The following YLPM1 variants were observed in gnomAD, a reference collection of about 807,000 sequenced individuals.
YLPM1 encodes the protein YLP motif containing 1.
In YLPM1, 99 loss-of-function variants were observed where a neutral mutation model predicts 230.0. That is an observed-to-expected ratio of 0.43 (90% CI 0.37 to 0.51). The LOEUF is 0.51. Among genes scored for constraint, YLPM1 ranks in the 20% least tolerant of loss-of-function variants. The pLI is 0.00. For missense variants in YLPM1, 2,592 were observed against 2,707.7 expected, an observed-to-expected ratio of 0.96 and a Z score of 0.95; for synonymous variants, 984 against 942.5, an observed-to-expected ratio of 1.04 and a Z score of -0.81.
intron 1 of YLPM1, among the ~76,000 whole-genome samples, chr14:74,769,031 T>C (rs2090943836): frequency 6.6e-6 from 1 of 151,816 alleles, no homozygotes; most frequent in Non-Finnish European, 1.5e-5. Flanking sequence ...GGATTCCCTT[T>C]GTAAAGTGAT....
intron 1 of YLPM1, among the ~76,000 whole-genome samples, chr14:74,776,434 G>A (rs950577155): frequency 6.6e-6 from 1 of 152,124 alleles, no homozygotes; most frequent in Non-Finnish European, 1.5e-5. Context: ...GCACTTGTCC[G>A]AACAAAGCTG....
intron 10 of YLPM1, among the ~76,000 whole-genome samples, chr14:74,812,288 A>C (rs2091441260): frequency 6.6e-6 from 1 of 152,222 alleles, no homozygotes; most frequent in Admixed American, 6.5e-5. Context: ...TCTTACTCTT[A>C]AAACCATAAA....
chr14:74,797,349 G>GTAAGT (rs2091274678), intron 4 of YLPM1, among the ~76,000 whole-genome samples: 1 of 151,870 alleles, frequency 6.6e-6, no homozygotes, highest in Admixed American at 6.6e-5. Context: ...ATGTGTTGAA[G>GTAAGT]TAAGTTAGAT....
chr14:74,821,707 G>A (rs1304151669), intron 17 of YLPM1: 1 of 152,230 alleles, frequency 6.6e-6, no homozygotes, highest in Non-Finnish European at 1.5e-5. Flanking sequence ...TAAAGTTTCT[G>A]TGTACCTAAT....
intron 1 of YLPM1, among the ~76,000 whole-genome samples, chr14:74,764,811 A>G (rs2090894774): frequency 6.6e-6 from 1 of 152,236 alleles, no homozygotes; most frequent in Non-Finnish European, 1.5e-5. Context: ...TCTTTTAAAA[A>G]TATTACTTAG....
chr14:74,804,114 G>A (rs1303261727), intron 6 of YLPM1, among the ~76,000 whole-genome samples: 1 of 152,114 alleles, frequency 6.6e-6, no homozygotes, highest in Non-Finnish European at 1.5e-5. Flanking sequence ...CCGACATCGC[G>A]CCATTGCACT....
intron 1 of YLPM1, among the ~76,000 whole-genome samples, chr14:74,767,522 T>C (rs1326576417): frequency 1.3e-5 from 2 of 152,180 alleles, no homozygotes; most frequent in African/African-American, 4.8e-5. Context: ...GAGGGGCTTG[T>C]CCTATGCATT....
chr14:74,796,591 T>C (rs780302123), intron 4 of YLPM1, among the ~76,000 whole-genome samples: 2 of 152,180 alleles, frequency 1.3e-5, no homozygotes, highest in African/African-American at 2.4e-5. Flanking sequence ...AGGGCACATA[T>C]GACATTTTAT....
In YLPM1 at chr14:74,763,900, T is replaced by C. The variant is rs951562997; in HGVS notation, c.411T>C (p.Gly137=). 17 of 1,557,702 alleles carry C rather than the reference T, an allele frequency of 1.1e-5. No individual in the cohort carries two copies. The highest frequency in any genetic ancestry group is 1.3e-5 in the Non-Finnish European group (15 of 1,152,914). The change falls in exon 1 of 21, where the codon GGT becomes GGC. Residue 137 remains glycine (G), a synonymous_variant. Coordinates refer to ENST00000325680, the MANE Select transcript of YLPM1 (RefSeq NM_019589.3). ...ACCACCAACGAGACGGGCCTCCTGG[T>C]TTGGTTCCAATGGAGCTGGAATCCC... ...MLHHQRDGPP[G]LVPMELESPP... is the part of the protein sequence containing the mutation.
intron 1 of YLPM1, among the ~76,000 whole-genome samples, chr14:74,773,648 T>C (rs1478963514): frequency 1.3e-5 from 2 of 151,978 alleles, no homozygotes; most frequent in African/African-American, 4.8e-5. Flanking sequence ...GAAGGAAGTG[T>C]TTTAATGCTA....
chr14:74,810,380 C>T lies in YLPM1; in HGVS notation c.5188C>T (p.Arg1730Trp), dbSNP rs750118817. The T allele has an allele frequency of 9.9e-6, 16 of 1,612,706 alleles. No individual in the cohort carries two copies. The highest frequency in any genetic ancestry group is 2.2e-5 in the South Asian group (2 of 90,986). The change falls in exon 9 of 21, where the codon CGG becomes TGG. Residue 1730 changes from arginine to tryptophan, a missense_variant. By Grantham distance (101) the Arg-to-Trp change is moderately radical. Coordinates refer to ENST00000325680, the MANE Select transcript of YLPM1 (RefSeq NM_019589.3). ...GGATCGTGGTGTTATTGACTATGAC[C>T]GGGATCGATTTGACAGAGAACGCCG... Reference protein sequence around the residue: ...DRDRGVIDYDRDRFDRERRPR... With the variant: ...DRDRGVIDYDWDRFDRERRPR...
chr14:74,798,328 G>A lies in YLPM1; in HGVS notation c.3031G>A (p.Glu1011Lys). 1 of 1,613,966 alleles carries A rather than the reference G, an allele frequency of 6.2e-7. No homozygotes were observed. The highest frequency in any genetic ancestry group is 8.5e-7 in the Non-Finnish European group (1 of 1,179,892). The change falls in exon 5 of 21, where the codon GAA becomes AAA. Residue 1011 changes from glutamate to lysine, a missense_variant. By Grantham distance (56) the Glu-to-Lys change is moderately conservative (BLOSUM62 1). Transcript: ENST00000325680. ...PRPDNRDNRLEGNRGNSSSYR... is the reference protein window; with the variant it reads ...PRPDNRDNRLKGNRGNSSSYR... ...GCCAGATAATAGAGATAATAGATTA[G>A]AAGGCAATAGAGGCAACAGCTCATC...
At position 74,782,185 on chromosome 14, in the gene YLPM1, C is replaced by T. The variant is rs750611121; in HGVS notation, c.2142C>T (p.Phe714=). Residue 714 remains phenylalanine (F), a synonymous_variant, in exon 4 of 21, where the codon TTC becomes TTT. Coordinates refer to ENST00000325680, the MANE Select transcript of YLPM1 (RefSeq NM_019589.3). ...LSKSALPYSS[F]SSDQGLGESS... ...AGTCTGCTCTGCCATACAGTTCATT[C>T]TCATCTGATCAAGGACTTGGGGAGT... is the stretch of plus-strand genomic sequence containing the variant. 3.1e-6 allele frequency: 5 copies of T among 1,609,666 alleles called. No individual in the cohort carries two copies. The African/African-American group carries it at 6.7e-5, about 21-fold the overall frequency.
chr14:74,830,966 A>T (rs2091604941), intron 19 of YLPM1, among the ~76,000 whole-genome samples: 1 of 152,240 alleles, frequency 6.6e-6, no homozygotes, highest in South Asian at 2.1e-4. Context: ...ATGGATGCTT[A>T]CAGTGTTTCC....
At chr14:74,789,196 T>C (rs1216968029) in intron 4 of YLPM1, among the ~76,000 whole-genome samples, 1 of 152,144 alleles carries the variant, frequency 6.6e-6, no homozygotes. Context: ...CCTCCAATTC[T>C]GTGCTTCTAG....
At chr14:74,812,323 A>G (rs530812383) in intron 10 of YLPM1, among the ~76,000 whole-genome samples, 54 of 152,360 alleles carry the variant, frequency 3.5e-4, no homozygotes, top group Middle Eastern at 6.8e-3. Flanking sequence ...ACTTAGGACT[A>G]TCCAGCAAAG....
rs749576133 is a variant in YLPM1 at position 74,798,616 on chromosome 14, G to A, written c.3319G>A (p.Gly1107Ser). ...AGGGAGCCAGGACAGGGGTGCAGCT[G>A]GCAGCCGAGAAAGGGGACCACCTCG... Reference protein sequence around the residue: ...LQGSQDRGAAGSRERGPPRRA... With the variant: ...LQGSQDRGAASSRERGPPRRA... Residue 1107 changes from glycine to serine, a missense_variant, in exon 5 of 21, where the codon GGC becomes AGC. Gly to Ser is a moderately conservative substitution (Grantham distance 56). This residue lies in a region of YLPM1 where 1,862 missense variants were observed against 1,819.8 expected (regional missense o/e 1.02). Transcript: ENST00000325680. 1 of 1,612,214 alleles carries A rather than the reference G, an allele frequency of 6.2e-7. No homozygotes were observed. Among genetic ancestry groups the A allele is most frequent in the East Asian group, 2.2e-5 (1 of 44,862 alleles).
chr14:74,823,406 C>T (rs2091538208), intron 17 of YLPM1, among the ~76,000 whole-genome samples: 2 of 152,018 alleles, frequency 1.3e-5, no homozygotes, highest in African/African-American at 2.4e-5. Flanking sequence ...TGATAAATCA[C>T]ATGGTAAAAG....
In YLPM1 at chr14:74,812,797, G is replaced by A; in HGVS notation, c.5502+15G>A. 1 of 1,607,052 alleles carries A rather than the reference G, an allele frequency of 6.2e-7. No homozygotes were observed. Among genetic ancestry groups the A allele is most frequent in the Non-Finnish European group, 8.5e-7 (1 of 1,175,988 alleles). On this transcript the variant is annotated intron_variant, in intron 11 of 20. Transcript: ENST00000325680. ...GACCTGAGAGAGTGAGTCCTATGAA[G>A]TTGATTCGTCTTCGTGCAAACCAGA...
Sources: allele counts gnomAD v4.1 joint callset (sites outside exome capture counted in the v4.1 genomes callset), GRCh38; gene constraint gnomAD v4.1.1; regional missense constraint gnomAD v4.1.1; transcripts MANE v1.5; gene names NCBI Gene and HGNC (gene_info 2026-07-23, HGNC 2026-07-21).